Variants in VPS13B observed in about 807,000 individuals in gnomAD.
VPS13B encodes intermembrane lipid transfer protein VPS13B.
VPS13B carries 285 observed loss-of-function variants against 426.4 expected under a neutral mutation model. That is an observed-to-expected ratio of 0.67 (90% CI 0.61 to 0.74). The LOEUF (loss-of-function observed/expected upper bound fraction) is 0.74. VPS13B is among the 30% of genes least tolerant of loss of function. VPS13B has a pLI of 0.00. For synonymous variants in VPS13B, 1,676 were observed against 1,676.4 expected (o/e 1.00, Z 0.01); for missense variants, 4,537 against 4,782.6 (o/e 0.95, Z 1.51).
At chr8:99,090,822 A>G (rs1009151286) in intron 3 of VPS13B, among the ~76,000 whole-genome samples, 1 of 152,182 alleles carries the variant, frequency 6.6e-6, no homozygotes, top group African/African-American at 2.4e-5. Flanking sequence ...ATTAGATGGT[A>G]GAATGTGGTT....
At chr8:99,343,842 A>G (rs978909300) in intron 19 of VPS13B, among the ~76,000 whole-genome samples, 1 of 152,232 alleles carries the variant, frequency 6.6e-6, no homozygotes, top group Non-Finnish European at 1.5e-5. Flanking sequence ...TAATATAAAG[A>G]TATCCTGTAC....
chr8:99,612,071 G>T (rs1827866088), intron 33 of VPS13B, among the ~76,000 whole-genome samples: 2 of 152,002 alleles, frequency 1.3e-5, no homozygotes, highest in East Asian at 3.9e-4. Flanking sequence ...TTTTCCAAAG[G>T]TCCTGTTATT....
At chr8:99,765,169 C>T (rs112270804) in intron 39 of VPS13B, among the ~76,000 whole-genome samples, 205 of 152,216 alleles carry the variant, frequency 1.3e-3, no homozygotes, top group African/African-American at 4.6e-3. Context: ...TTGCTTGAAC[C>T]CAGGGGCCAA....
chr8:99,820,176 T>C (rs1814281265), intron 49 of VPS13B, 54 bp downstream of exon 49: 1 of 1,550,790 alleles, frequency 6.4e-7, no homozygotes. Flanking sequence ...AAGTAGATTT[T>C]ATTGTAAAGT....
chr8:99,541,380 C>T (rs1056223825), intron 30 of VPS13B, among the ~76,000 whole-genome samples: 2 of 151,980 alleles, frequency 1.3e-5, no homozygotes, highest in African/African-American at 2.4e-5. Flanking sequence ...GCTGGACATG[C>T]AGGTTTGTTG....
intron 19 of VPS13B, among the ~76,000 whole-genome samples, chr8:99,320,532 C>T (rs1809920226): frequency 6.6e-6 from 1 of 152,080 alleles, no homozygotes; most frequent in African/African-American, 2.4e-5. Flanking sequence ...ATGATTCAAA[C>T]CATTTACTAA....
chr8:99,423,805 T>C (rs1184518228), intron 21 of VPS13B, among the ~76,000 whole-genome samples: 1 of 152,198 alleles, frequency 6.6e-6, no homozygotes, highest in Non-Finnish European at 1.5e-5. Flanking sequence ...CCTTTTACAT[T>C]TGTTGAGGAG....
chr8:99,867,514 G>A (rs1415783511), intron 58 of VPS13B, among the ~76,000 whole-genome samples: 2 of 152,290 alleles, frequency 1.3e-5, no homozygotes, highest in African/African-American at 4.8e-5. Flanking sequence ...GATTGGCAAA[G>A]AGGAAGAGCC....
chr8:99,081,296 A>C (rs1188436678), intron 3 of VPS13B, among the ~76,000 whole-genome samples: 1 of 151,944 alleles, frequency 6.6e-6, no homozygotes, highest in Non-Finnish European at 1.5e-5. Flanking sequence ...GTCTGGTTAA[A>C]ATTTTTCTCT....
intron 5 of VPS13B, among the ~76,000 whole-genome samples, chr8:99,110,128 A>G (rs537275156): frequency 6.6e-5 from 10 of 152,170 alleles, no homozygotes; most frequent in Non-Finnish European, 1.3e-4. Flanking sequence ...CTGTTTAGAC[A>G]CATCTTCTTT....
intron 33 of VPS13B, among the ~76,000 whole-genome samples, chr8:99,630,614 C>T (rs1273514540): frequency 3.4e-5 from 5 of 147,188 alleles, no homozygotes; most frequent in East Asian, 2.2e-4. Context: ...TCCTTCCTTC[C>T]GTAAAGATTT....
intron 19 of VPS13B, among the ~76,000 whole-genome samples, chr8:99,280,016 GC>G (rs1462946667): frequency 6.6e-6 from 1 of 152,146 alleles, no homozygotes; most frequent in Non-Finnish European, 1.5e-5. Flanking sequence ...TGATCCACCT[GC>G]CTCTGCCTGC....
chr8:99,351,231 G>A (rs1163049361), intron 19 of VPS13B, among the ~76,000 whole-genome samples: 1 of 152,038 alleles, frequency 6.6e-6, no homozygotes, highest in South Asian at 2.1e-4. Flanking sequence ...CTTATGTCAG[G>A]TTTCTCTGTC....
intron 29 of VPS13B, 60 bp from the exon 30 acceptor site, chr8:99,520,839 T>C (rs1822346408): frequency 3.0e-6 from 4 of 1,348,244 alleles, no homozygotes; most frequent in Admixed American, 3.4e-5. Context: ...GATTTCTCCT[T>C]ATGCATAAAG....
chr8:99,840,294 C>CTA (rs2130879387), intron 54 of VPS13B, among the ~76,000 whole-genome samples: 1 of 152,340 alleles, frequency 6.6e-6, no homozygotes, highest in South Asian at 2.1e-4. Flanking sequence ...ATATGACTTG[C>CTA]TATACAGTTG....
intron 31 of VPS13B, among the ~76,000 whole-genome samples, chr8:99,572,551 G>C (rs1218098189): frequency 4.0e-5 from 6 of 151,880 alleles, no homozygotes; most frequent in Non-Finnish European, 5.9e-5. Flanking sequence ...AGAACATTCG[G>C]TGTTTGGTTT....
At chr8:99,772,699 A>G (rs557377987) in intron 40 of VPS13B, among the ~76,000 whole-genome samples, 1 of 152,350 alleles carries the variant, frequency 6.6e-6, no homozygotes, top group African/African-American at 2.4e-5. Flanking sequence ...CCTGTTTTAT[A>G]TGTGTATACT....
chr8:99,747,745 A>G (rs1427296995), intron 39 of VPS13B, among the ~76,000 whole-genome samples: 4 of 152,092 alleles, frequency 2.6e-5, no homozygotes, highest in Admixed American at 2.6e-4. Flanking sequence ...TTTTAATTGC[A>G]TACTAAACTT....
chr8:99,260,232 A>C (rs1268589352), intron 17 of VPS13B, among the ~76,000 whole-genome samples: 2 of 152,154 alleles, frequency 1.3e-5, no homozygotes, highest in Admixed American at 6.6e-5. Context: ...GGATGTTAGA[A>C]TGAAAAGATT....
Sources: allele counts gnomAD v4.1 joint callset (sites outside exome capture counted in the v4.1 genomes callset), GRCh38; gene constraint gnomAD v4.1.1; transcripts MANE v1.5; gene names NCBI Gene and HGNC (gene_info 2026-07-23, HGNC 2026-07-21).